The following SCN8A variants were observed in gnomAD, a reference collection of about 807,000 sequenced individuals.
SCN8A encodes the protein sodium voltage-gated channel alpha subunit 8.
SCN8A carries 30 observed loss-of-function variants against 184.1 expected under a neutral mutation model. The ratio of observed to expected loss-of-function variants is 0.16; its 90% confidence interval spans 0.12 to 0.22. SCN8A has a LOEUF of 0.22. Ranked by LOEUF, SCN8A falls within the 10% of genes least tolerant of loss-of-function variation. SCN8A has a pLI of 1.00. For synonymous variants in SCN8A, 852 were observed against 907.0 expected, an observed-to-expected ratio of 0.94 and a Z score of 1.09; for missense variants, 1,057 against 2,498.9, an observed-to-expected ratio of 0.42 and a Z score of 12.30.
chr12:51,615,889 TTTA>T (rs1240099516), intron 1 of SCN8A, among the ~76,000 whole-genome samples: 33 of 151,954 alleles, frequency 2.2e-4, no homozygotes, highest in Admixed American at 2.2e-3. Context: ...GCCTGGCTAA[TTTA>T]AAGAAAAAAT....
chr12:51,749,407 T>G (rs1942561994), intron 13 of SCN8A, among the ~76,000 whole-genome samples: 1 of 152,104 alleles, frequency 6.6e-6, no homozygotes, highest in African/African-American at 2.4e-5. Flanking sequence ...AGCTTCAACC[T>G]CCACGTGCCA....
intron 14 of SCN8A, among the ~76,000 whole-genome samples, chr12:51,758,646 C>A (rs1164125784): frequency 6.6e-6 from 1 of 152,114 alleles, no homozygotes; most frequent in African/African-American, 2.4e-5. Context: ...CCATGTTGGC[C>A]AGGCTGGTCT....
intron 17 of SCN8A, 32 bp downstream of exon 17, chr12:51,769,367 C>A: frequency 6.7e-7 from 1 of 1,499,246 alleles, no homozygotes; most frequent in South Asian, 1.3e-5. Flanking sequence ...AGCCTTGATC[C>A]TGTGTGAGAG....
intron 1 of SCN8A, among the ~76,000 whole-genome samples, chr12:51,609,643 A>C (rs1285397669): frequency 6.6e-6 from 1 of 152,136 alleles, no homozygotes; most frequent in Non-Finnish European, 1.5e-5. Context: ...TAATCCCAGC[A>C]CTTTGGGAGG....
At chr12:51,729,974 A>G (rs142757070) in intron 12 of SCN8A, among the ~76,000 whole-genome samples, 70 of 152,190 alleles carry the variant, frequency 4.6e-4, no homozygotes, top group African/African-American at 1.5e-3. Context: ...GTTTATTCAT[A>G]TCTTTTGCCC....
intron 1 of SCN8A, among the ~76,000 whole-genome samples, chr12:51,644,553 C>T (rs1029867348): frequency 9.9e-5 from 15 of 152,238 alleles, no homozygotes; most frequent in African/African-American, 3.4e-4. Flanking sequence ...GGTGCCCAGG[C>T]TGGAGTGCAG....
chr12:51,798,300 C>T (rs1029484018), intron 26 of SCN8A, among the ~76,000 whole-genome samples: 1 of 152,166 alleles, frequency 6.6e-6, no homozygotes, highest in African/African-American at 2.4e-5. Flanking sequence ...TGTGGAATAC[C>T]ATGATGGTGG....
chr12:51,721,923 G>T lies in SCN8A; in HGVS notation c.1998+15G>T, dbSNP rs375797844. The T allele has an allele frequency of 8.5e-5, 136 of 1,599,674 alleles. No individual in the cohort carries two copies. The African/African-American group carries it at 1.7e-3, about 19-fold the overall frequency. ...TCCTGCCAGAGGTGAAAATTGATAA[G>T]GCAGCTACCGATGACAGTGTAAGGA... is the stretch of plus-strand genomic sequence containing the variant. On this transcript the variant is annotated intron_variant, in intron 12 of 26. Coordinates refer to ENST00000627620, the MANE Select transcript of SCN8A (RefSeq NM_001330260.2).
rs888471267 is a variant in SCN8A at position 51,705,714 on chromosome 12, G to A, written c.1341+91G>A. The A allele has an allele frequency of 2.4e-5, 28 of 1,186,588 alleles. No homozygotes were observed. The Admixed American group carries it at 6.0e-4, about 26-fold the overall frequency. The allele number at this position is 1,186,588 out of a possible 1,614,324, so 73.5% of individuals were successfully genotyped here. A position where few individuals can be genotyped will look rare whatever the true frequency, so the allele number is the denominator to read the frequency against. ...TTTCACTGCAGTTGATCTTTTCTAG[G>A]CATATTTTCAAATAGAGGCCATTGG... On this transcript the variant is annotated intron_variant, in intron 10 of 26. Coordinates refer to ENST00000627620, the MANE Select transcript of SCN8A (RefSeq NM_001330260.2).
In SCN8A at chr12:51,780,402, CTGT is replaced by C. The variant is rs551179604; in HGVS notation, c.3820-242_3820-240del. ...TACCGCCTTCTCGATTTTCTCTTCCCTGTTGTTTTTTCTTCTGCCTCTCAACCA... is the reference window on the plus strand; with the variant it reads ...TACCGCCTTCTCGATTTTCTCTTCCCTGTTTTTTCTTCTGCCTCTCAACCA... On this transcript the variant is annotated intron_variant, in intron 20 of 26. Coordinates refer to ENST00000627620, the MANE Select transcript of SCN8A (RefSeq NM_001330260.2). The C allele has an allele frequency of 1.4e-3, 537 of 383,810 alleles. 3 individuals are homozygous for C. Among genetic ancestry groups the C allele is most frequent in the African/African-American group, 0.01 (494 of 47,114 alleles). 23.8% of individuals were successfully genotyped at this position (383,810 alleles called of 1,614,324 possible). A position where few individuals can be genotyped will look rare whatever the true frequency, so the allele number is the denominator to read the frequency against.
intron 6 of SCN8A, among the ~76,000 whole-genome samples, chr12:51,693,963 G>A (rs767215481): frequency 4.5e-4 from 69 of 152,014 alleles, no homozygotes; most frequent in African/African-American, 1.5e-3. Flanking sequence ...ACGGAGTTTC[G>A]CTGTTGTCAC....
chr12:51,785,882 A>G (rs964493604), intron 21 of SCN8A, among the ~76,000 whole-genome samples: 1 of 152,232 alleles, frequency 6.6e-6, no homozygotes, highest in African/African-American at 2.4e-5. Context: ...TTAAAAGCCT[A>G]CAAAGTCAGA....
In SCN8A at chr12:51,722,064, A is replaced by G. The variant is rs1044661852; in HGVS notation, c.1998+156A>G. 1.2e-5 allele frequency: 14 copies of G among 1,180,120 alleles called. No homozygotes were observed. The East Asian group carries it at 3.5e-4, about 29-fold the overall frequency. 73.1% of individuals were successfully genotyped at this position (1,180,120 alleles called of 1,614,324 possible). A position where few individuals can be genotyped will look rare whatever the true frequency, so the allele number is the denominator to read the frequency against. Reference sequence around the variant, plus strand: ...TGGACCCCACTCCTGTTAACACCCCAGCCATTTCTGTGTTCTTCCTGGCCT... The same window carrying G: ...TGGACCCCACTCCTGTTAACACCCCGGCCATTTCTGTGTTCTTCCTGGCCT... On this transcript the variant is annotated intron_variant, in intron 12 of 26. Coordinates refer to ENST00000627620, the MANE Select transcript of SCN8A (RefSeq NM_001330260.2).
intron 21 of SCN8A, among the ~76,000 whole-genome samples, chr12:51,781,254 T>G (rs1937912025): frequency 1.3e-5 from 2 of 152,050 alleles, no homozygotes; most frequent in Admixed American, 6.6e-5. Context: ...AGGCCTGGAA[T>G]TGGGGATGGA....
At chr12:51,704,622 A>G (rs1941748006) in intron 9 of SCN8A, among the ~76,000 whole-genome samples, 1 of 141,806 alleles carries the variant, frequency 7.1e-6, no homozygotes, top group South Asian at 2.3e-4. Flanking sequence ...GTGAGCTGAG[A>G]TGATGGCACT....
intron 12 of SCN8A, among the ~76,000 whole-genome samples, chr12:51,725,680 T>C (rs1443978737): frequency 6.6e-6 from 1 of 152,118 alleles, no homozygotes. Context: ...CTTTAGAAAG[T>C]GGGAAAAACA....
intron 1 of SCN8A, among the ~76,000 whole-genome samples, chr12:51,608,070 G>GAGT (rs1939636634): frequency 6.7e-6 from 1 of 149,338 alleles, no homozygotes; most frequent in Admixed American, 6.7e-5. Flanking sequence ...GCCCAGGCTG[G>GAGT]AGTGCAGTGG....
At chr12:51,644,833 C>G (rs1004206750) in intron 1 of SCN8A, among the ~76,000 whole-genome samples, 1 of 151,908 alleles carries the variant, frequency 6.6e-6, no homozygotes, top group Non-Finnish European at 1.5e-5. Flanking sequence ...AAGTGAGGAG[C>G]ATCTCTGCCC....
chr12:51,630,436 T>G (rs1336314336), intron 1 of SCN8A, among the ~76,000 whole-genome samples: 1 of 152,158 alleles, frequency 6.6e-6, no homozygotes, highest in Non-Finnish European at 1.5e-5. Flanking sequence ...GTAGCATGTG[T>G]CATGATTTCC....
Sources: gnomAD v4.1 joint callset for allele counts (sites outside exome capture counted in the v4.1 genomes callset) on GRCh38, gnomAD v4.1.1 for gene constraint, MANE v1.5 for transcripts, NCBI Gene and HGNC (gene_info 2026-07-23, HGNC 2026-07-21) for gene names.